Variants in SLAMF7 observed in about 807,000 individuals in gnomAD.
SLAMF7 encodes the protein SLAM family member 7.
Under a neutral mutation model 34.1 loss-of-function variants are expected in SLAMF7, and 26 were observed. The ratio of observed to expected loss-of-function variants is 0.76; its 90% CI spans 0.56 to 1.06. SLAMF7 has a LOEUF of 1.06. SLAMF7 is among the 50% of genes least tolerant of loss of function. The pLI, the probability that SLAMF7 is intolerant of heterozygous loss-of-function variation, is 0.00. For missense variants in SLAMF7, 399 were observed against 402.5 expected (o/e 0.99, Z 0.07); for synonymous variants, 171 against 156.4 (o/e 1.09, Z -0.70).
chr1:160,741,505 G>C (rs184730029), intron 1 of SLAMF7, among the ~76,000 whole-genome samples: 5 of 152,146 alleles, frequency 3.3e-5, no homozygotes, highest in African/African-American at 1.2e-4. Flanking sequence ...GAGTACATTC[G>C]TTAAGGGGGA....
chr1:160,750,331 T>A lies in SLAMF7; in HGVS notation c.677T>A (p.Met226Lys). 6.2e-7 allele frequency: 1 copy of A among 1,614,132 alleles called. No homozygotes were observed. The highest frequency in any genetic ancestry group is 8.5e-7 in the Non-Finnish European group (1 of 1,179,954). The change falls in exon 4 of 7, where the codon ATG becomes AAG. Residue 226 changes from methionine (M) to lysine (K), a missense_variant. Met to Lys is a moderately conservative substitution (Grantham distance 95). Transcript: ENST00000368043. ...EGAADDPDSS[M>K]VLLCLLLVPL... ...GCTGCTGATGACCCAGATTCCTCCA[T>A]GGTCCTCCTGTGTCTCCTGTTGGTG...
rs141141316 is a variant in SLAMF7, at chr1:160,746,868, A to G, written c.56-1326A>G. ...CTCTGGGTGGACGTGCACAGTAGCT[A>G]TACATGCTTCTTCATAAATCTCGTG... On this transcript the variant is annotated intron_variant, in intron 1 of 6. Transcript: ENST00000368043. Among the ~76,000 whole-genome samples, 78 of 152,266 alleles carry G rather than the reference A, an allele frequency of 5.1e-4. 1 individual carries two copies. The highest frequency in any genetic ancestry group is 1.8e-3 in the African/African-American group (74 of 41,540).
At chr1:160,739,801 C>T (rs1663584423) in intron 1 of SLAMF7, 4 of 155,988 alleles carry the variant, frequency 2.6e-5, no homozygotes, top group Admixed American at 2.5e-4. Flanking sequence ...TTATGCATAA[C>T]AGTAATATAA....
chr1:160,750,103 T>C lies in SLAMF7; in HGVS notation c.649+10T>C, dbSNP rs781745290. The C allele has an allele frequency of 1.2e-6, 2 of 1,612,212 alleles. No homozygotes were observed. The highest frequency in any genetic ancestry group is 2.7e-5 in the African/African-American group (2 of 74,976). On this transcript the variant is annotated intron_variant, in intron 3 of 6. Coordinates refer to ENST00000368043, the MANE Select transcript of SLAMF7 (RefSeq NM_021181.5). The stretch of plus-strand genomic sequence containing the variant: ...AGGAAGCTCTGTGAAGGTGACTGCC[T>C]CTCCCCTCTCCACAGGAGACTCTGC...
intron 1 of SLAMF7, among the ~76,000 whole-genome samples, chr1:160,745,568 T>C (rs1279238616): frequency 1.3e-5 from 2 of 151,994 alleles, no homozygotes; most frequent in Non-Finnish European, 2.9e-5. Flanking sequence ...AAGTCAGGAG[T>C]TAGCAAATTT....
chr1:160,752,273 C>G, intron 6 of SLAMF7, 25 bp downstream of exon 6: 1 of 1,592,904 alleles, frequency 6.3e-7, no homozygotes, highest in Non-Finnish European at 8.6e-7. Context: ...AGCTTAACTT[C>G]ATCTTAATGG....
intron 1 of SLAMF7, among the ~76,000 whole-genome samples, chr1:160,741,883 AT>A (rs1663775475): frequency 6.6e-6 from 1 of 152,062 alleles, no homozygotes; most frequent in Non-Finnish European, 1.5e-5. Context: ...GTGAAATGGG[AT>A]TGGACTAAGT....
At chr1:160,750,777 A>G in intron 4 of SLAMF7, 2 of 235,016 alleles carry the variant, frequency 8.5e-6, no homozygotes, top group South Asian at 6.2e-5. Context: ...TCCAACTCTG[A>G]GGTCCCCACA....
intron 1 of SLAMF7, chr1:160,739,708 C>T (rs990811190): frequency 9.1e-6 from 2 of 218,938 alleles, no homozygotes; most frequent in African/African-American, 2.3e-5. Context: ...CTAGCCTTCT[C>T]TCCTTTTGAG....
rs948436114 is a variant in SLAMF7 at position 160,749,768 on chromosome 1, G to C, written c.377-53G>C. On this transcript the variant is annotated intron_variant, in intron 2 of 6. Transcript: ENST00000368043. ...CCAAGGTATCCAAGGATAATTCAGA[G>C]AATGGAGAGCTATAGGCAGAGTTTC... 11 of 1,459,344 alleles carry C rather than the reference G, an allele frequency of 7.5e-6. No homozygotes were observed. In the African/African-American group the frequency reaches 9.9e-5, roughly 13 times the overall value. 90.4% of individuals were successfully genotyped at this position (1,459,344 alleles called of 1,614,324 possible). A position where few individuals can be genotyped will look rare whatever the true frequency, so the allele number is the denominator to read the frequency against.
At chr1:160,743,793 A>G (rs2101658704) in intron 1 of SLAMF7, among the ~76,000 whole-genome samples, 1 of 152,268 alleles carries the variant, frequency 6.6e-6, no homozygotes, top group African/African-American at 2.4e-5. Context: ...GGTTCAAGGA[A>G]TCCTCCCACC....
At chr1:160,741,259 T>C (rs1231216078) in intron 1 of SLAMF7, among the ~76,000 whole-genome samples, 1 of 151,828 alleles carries the variant, frequency 6.6e-6, no homozygotes, top group East Asian at 1.9e-4. Context: ...AAGGAGACAA[T>C]CAATAAAAAG....
At chr1:160,741,552 G>T (rs569202155) in intron 1 of SLAMF7, among the ~76,000 whole-genome samples, 4 of 151,624 alleles carry the variant, frequency 2.6e-5, no homozygotes, top group South Asian at 4.2e-4. Context: ...ACCACTTTGG[G>T]TTTTTTTTGC....
At chr1:160,747,015 C>G (rs972842538) in intron 1 of SLAMF7, among the ~76,000 whole-genome samples, 1 of 152,268 alleles carries the variant, frequency 6.6e-6, no homozygotes. Flanking sequence ...AAAGTCCTCA[C>G]TGAAGATAGC....
chr1:160,750,741 C>CA (rs1415643989), intron 4 of SLAMF7: 3 of 256,964 alleles, frequency 1.2e-5, no homozygotes, highest in African/African-American at 2.2e-5. Context: ...GCTGACTCTG[C>CA]TCCCCTGACC....
intron 1 of SLAMF7, among the ~76,000 whole-genome samples, chr1:160,740,077 C>G (rs1255284101): frequency 6.6e-6 from 1 of 152,054 alleles, no homozygotes; most frequent in Non-Finnish European, 1.5e-5. Flanking sequence ...ATAAGGACTT[C>G]ACATAACTGC....
rs149310227 is a variant in SLAMF7 at position 160,747,653 on chromosome 1, C to T, written c.56-541C>T. Among the ~76,000 whole-genome samples the T allele has an allele frequency of 1.0e-3, 152 of 152,282 alleles. 1 individual carries two copies. The highest frequency in any genetic ancestry group is 3.4e-3 in the African/African-American group (142 of 41,546). ...CGTGGAGGTTGTAGTGAGCTGAGAT[C>T]GTGCCACTGCAATCCCGCCTGGGCA... On this transcript the variant is annotated intron_variant, in intron 1 of 6. Transcript: ENST00000368043.
Position 160,748,474 on chromosome 1 carries a change from C to A in SLAMF7, c.336C>A (p.Leu112=). 6.2e-7 allele frequency: 1 copy of A among 1,613,970 alleles called. No individual in the cohort carries two copies. Among genetic ancestry groups the A allele is most frequent in the Non-Finnish European group, 8.5e-7 (1 of 1,179,886 alleles). Residue 112 remains leucine (L), a synonymous_variant, in exon 2 of 7, where the codon CTC becomes CTA. Coordinates refer to ENST00000368043, the MANE Select transcript of SLAMF7 (RefSeq NM_021181.5). ...ATGTGGGGATATACAGCTCATCACTCCAGCAGCCCTCCACCCAGGAGTACG... is the reference window on the plus strand; with the variant it reads ...ATGTGGGGATATACAGCTCATCACTACAGCAGCCCTCCACCCAGGAGTACG... ...IYYVGIYSSS[L]QQPSTQEYVL...
In SLAMF7 at chr1:160,754,088, G is replaced by C. The variant is rs977776281; in HGVS notation, c.*911G>C. On this transcript the variant is annotated 3_prime_UTR_variant, in exon 7 of 7. Transcript: ENST00000368043. ...GACTTGGAGTCAGGCAGTGAGACTG[G>C]TGGGGCACGGGGGGCAGTGGGTACT... 7 of 152,694 alleles carry C rather than the reference G, an allele frequency of 4.6e-5. No homozygotes were observed. The highest frequency in any genetic ancestry group is 1.4e-4 in the African/African-American group (6 of 41,446). The allele number at this position is 152,694 out of a possible 1,614,324, so 9.5% of individuals were successfully genotyped here.
Sources: allele counts gnomAD v4.1 joint callset (sites outside exome capture counted in the v4.1 genomes callset), GRCh38; gene constraint gnomAD v4.1.1; transcripts MANE v1.5; gene names NCBI Gene and HGNC (gene_info 2026-07-23, HGNC 2026-07-21).